IGSF3: variants seen among roughly 807,000 people sequenced by gnomAD.
IGSF3 encodes the protein immunoglobulin superfamily member 3.
IGSF3 carries 23 observed loss-of-function variants against 114.4 expected under a neutral mutation model. That is an observed-to-expected ratio of 0.20 (90% CI 0.14 to 0.28). IGSF3 has a LOEUF of 0.28. Ranked by LOEUF, IGSF3 falls within the 10% of genes least tolerant of loss-of-function variation. The pLI, the probability that IGSF3 is intolerant of heterozygous loss-of-function variation, is 1.00. For missense variants in IGSF3, 1,172 were observed against 1,591.5 expected (o/e 0.74, Z 4.48); for synonymous variants, 571 against 645.2 (o/e 0.88, Z 1.74).
chr1:116,613,132 T>C (rs1661087004), intron 4 of IGSF3, among the ~76,000 whole-genome samples: 1 of 152,336 alleles, frequency 6.6e-6, no homozygotes, highest in African/African-American at 2.4e-5. Context: ...TAAAGTAATC[T>C]GCATTCAGCA....
At position 116,593,914 on chromosome 1, in the gene IGSF3, T is replaced by C. The variant is rs1247562750; in HGVS notation, c.2030-4810A>G. Among the ~76,000 whole-genome samples the C allele has an allele frequency of 2.0e-5, 3 of 152,336 alleles. No homozygotes were observed. Among genetic ancestry groups the C allele is most frequent in the African/African-American group, 7.2e-5 (3 of 41,572 alleles). On this transcript the variant is annotated intron_variant, in intron 7 of 10. Coordinates refer to ENST00000369486, the MANE Select transcript of IGSF3 (RefSeq NM_001007237.3). This position sits in a 1 kb window ranked among gnomAD's most constrained non-coding sequence, Gnocchi z 4.5. ...TAAAATTGTATCTGGGACAACTCCA[T>C]GCAACAAAACTCTGCCTCGTGTCCT... is the stretch of plus-strand genomic sequence containing the variant.
In IGSF3 at chr1:116,616,461, C is replaced by T. The variant is rs528953361; in HGVS notation, c.44-4G>A. ...TGCCGCTGTGCTGACACCACACCTA[C>T]GAGGGAGAGAAACACACACAACATG... On this transcript the variant is annotated splice_region_variant and splice_polypyrimidine_tract_variant and intron_variant, in intron 2 of 10. Transcript: ENST00000369486. This position sits in a 1 kb window ranked among gnomAD's most constrained non-coding sequence, Gnocchi z 6.6. The T allele has an allele frequency of 1.6e-5, 25 of 1,583,270 alleles. No individual in the cohort carries two copies. Among genetic ancestry groups the T allele is most frequent in the South Asian group, 1.5e-4 (13 of 88,564 alleles).
chr1:116,620,055 T>C (rs1208534051), intron 2 of IGSF3, among the ~76,000 whole-genome samples: 2 of 152,198 alleles, frequency 1.3e-5, no homozygotes, highest in Non-Finnish European at 1.5e-5. Flanking sequence ...GTTTGCTATA[T>C]AAAATTCACT....
rs143770903 is a variant in IGSF3 at position 116,577,113 on chromosome 1, C to A, written c.*199G>T. The A allele has an allele frequency of 0.025, 14,896 of 587,030 alleles. 274 individuals are homozygous for A. Among genetic ancestry groups the A allele is most frequent in the Non-Finnish European group, 0.031 (10,465 of 332,940 alleles). 36.4% of individuals were successfully genotyped at this position (587,030 alleles called of 1,614,324 possible). The stretch of plus-strand genomic sequence containing the variant: ...TAATGGCAGGATCACAACATTTGCG[C>A]GCAAATAGCTAACCAACCAAGACTG... On this transcript the variant is annotated 3_prime_UTR_variant, in exon 11 of 11. Transcript: ENST00000369486. This position sits in a 1 kb window ranked among gnomAD's most constrained non-coding sequence, Gnocchi z 5.7.
chr1:116,635,644 G>T (rs1281648409), intron 2 of IGSF3, among the ~76,000 whole-genome samples: 1 of 152,206 alleles, frequency 6.6e-6, no homozygotes, highest in African/African-American at 2.4e-5. Flanking sequence ...TAAGCACAAA[G>T]AATGTCATCT....
rs955812168 is a variant in IGSF3, at chr1:116,628,065, G to A, written c.44-11608C>T. Reference sequence around the variant, plus strand: ...CCTCTTGGATGATAGCTGGATAATCGCAATAAGCAGAGCCCCAATAACTAG... The same window carrying A: ...CCTCTTGGATGATAGCTGGATAATCACAATAAGCAGAGCCCCAATAACTAG... On this transcript the variant is annotated intron_variant, in intron 2 of 10. Coordinates refer to ENST00000369486, the MANE Select transcript of IGSF3 (RefSeq NM_001007237.3). This position sits in a 1 kb window ranked among gnomAD's most constrained non-coding sequence, Gnocchi z 4.2. Among the ~76,000 whole-genome samples the A allele has an allele frequency of 4.6e-5, 7 of 152,180 alleles. No individual in the cohort carries two copies. Among genetic ancestry groups the A allele is most frequent in the Admixed American group, 1.3e-4 (2 of 15,288 alleles).
At position 116,589,775 on chromosome 1, in the gene IGSF3, C is replaced by G. The variant is rs1660019792; in HGVS notation, c.2030-671G>C. Among the ~76,000 whole-genome samples, 1 of 152,172 alleles carries G rather than the reference C, an allele frequency of 6.6e-6. No individual in the cohort carries two copies. Among genetic ancestry groups the G allele is most frequent in the African/African-American group, 2.4e-5 (1 of 41,430 alleles). ...TCCTAGATGGTGAGCTCCCCCAGGG[C>G]AGGGATCAAACTCCTTCCACTCAAT... On this transcript the variant is annotated intron_variant, in intron 7 of 10. Coordinates refer to ENST00000369486, the MANE Select transcript of IGSF3 (RefSeq NM_001007237.3). This position sits in a 1 kb window ranked among gnomAD's most constrained non-coding sequence, Gnocchi z 5.7.
chr1:116,622,615 G>A (rs568683055), intron 2 of IGSF3, among the ~76,000 whole-genome samples: 3 of 152,054 alleles, frequency 2.0e-5, no homozygotes, highest in South Asian at 4.2e-4. Flanking sequence ...TTTTAAATAA[G>A]CAAGTATATA....
rs1400677387 is a variant in IGSF3 at position 116,625,371 on chromosome 1, C to T, written c.44-8914G>A. 6.6e-6 allele frequency among the ~76,000 whole-genome samples: 1 copy of T among 152,218 alleles called. No homozygotes were observed. Among genetic ancestry groups the T allele is most frequent in the East Asian group, 1.9e-4 (1 of 5,198 alleles). ...GTGACATCTGAATTGGGTCCCAAAG[C>T]ACAAGGGAAATATATACCACGTGAA... On this transcript the variant is annotated intron_variant, in intron 2 of 10. Coordinates refer to ENST00000369486, the MANE Select transcript of IGSF3 (RefSeq NM_001007237.3). This position sits in a 1 kb window ranked among gnomAD's most constrained non-coding sequence, Gnocchi z 4.7.
intron 8 of IGSF3, among the ~76,000 whole-genome samples, chr1:116,587,603 A>G (rs1329118989): frequency 6.6e-6 from 1 of 152,232 alleles, no homozygotes; most frequent in Non-Finnish European, 1.5e-5. Flanking sequence ...TGTCCTCAAC[A>G]TGCTTACAGA....
In IGSF3 at chr1:116,577,589, A is replaced by C. The variant is rs766639503; in HGVS notation, c.3335-27T>G. The C allele has an allele frequency of 6.2e-7, 1 of 1,610,626 alleles. No homozygotes were observed. The highest frequency in any genetic ancestry group is 2.2e-5 in the East Asian group (1 of 44,858). ...TGAAAAGAATCATGAGAGAGACAAG[A>C]CAATGAGGGCTGAGAACCTGGACTG... On this transcript the variant is annotated intron_variant, in intron 10 of 10. Coordinates refer to ENST00000369486, the MANE Select transcript of IGSF3 (RefSeq NM_001007237.3). This position sits in a 1 kb window ranked among gnomAD's most constrained non-coding sequence, Gnocchi z 5.7.
In IGSF3 at chr1:116,600,787, C is replaced by A. The variant is rs1660546384; in HGVS notation, c.1625-442G>T. 1.3e-5 allele frequency among the ~76,000 whole-genome samples: 2 copies of A among 152,194 alleles called. No individual in the cohort carries two copies. The highest frequency in any genetic ancestry group is 2.9e-5 in the Non-Finnish European group (2 of 68,040). On this transcript the variant is annotated intron_variant, in intron 6 of 10. Coordinates refer to ENST00000369486, the MANE Select transcript of IGSF3 (RefSeq NM_001007237.3). This position sits in a 1 kb window ranked among gnomAD's most constrained non-coding sequence, Gnocchi z 5.5. ...CAGCCCCAACACCACTTTTCCTGGT[C>A]CCTTAGCGCACTGGTGCCGAGAAGG... is the stretch of plus-strand genomic sequence containing the variant.
chr1:116,637,830 G>A (rs1376107063), intron 2 of IGSF3, among the ~76,000 whole-genome samples: 5 of 152,128 alleles, frequency 3.3e-5, no homozygotes, highest in African/African-American at 9.7e-5. Context: ...GATGACTTTC[G>A]ATGATTCAGA....
At chr1:116,580,239 G>A (rs1389024037) in intron 9 of IGSF3, among the ~76,000 whole-genome samples, 1 of 152,200 alleles carries the variant, frequency 6.6e-6, no homozygotes, top group Non-Finnish European at 1.5e-5. Context: ...CCTTGTAGTG[G>A]CTGAATAGTG....
Position 116,657,772 on chromosome 1 carries a change from C to T in IGSF3, c.43+8512G>A, listed in dbSNP as rs1002959814. ...TCAGAGTTGCTATCAAAAAGGAGGC[C>T]GCAGACTGCATTCTGAAGCATCAGA... On this transcript the variant is annotated intron_variant, in intron 2 of 10. Transcript: ENST00000369486. The surrounding 1 kb of genome is among the most constrained non-coding windows in gnomAD (Gnocchi z 4.2). 2.6e-5 allele frequency among the ~76,000 whole-genome samples: 4 copies of T among 151,778 alleles called. No homozygotes were observed. The highest frequency in any genetic ancestry group is 2.0e-4 in the Admixed American group (3 of 15,242).
rs1660658795 is a variant in IGSF3, at chr1:116,603,049, G to C, written c.1624+575C>G. Among the ~76,000 whole-genome samples, 1 of 152,232 alleles carries C rather than the reference G, an allele frequency of 6.6e-6. No individual in the cohort carries two copies. ...TCAGTTTCCTCCATAAAATGAAAGTGTCTGTCACTTGGCTAGGTGGGGATT... is the reference window on the plus strand; with the variant it reads ...TCAGTTTCCTCCATAAAATGAAAGTCTCTGTCACTTGGCTAGGTGGGGATT... On this transcript the variant is annotated intron_variant, in intron 6 of 10. Coordinates refer to ENST00000369486, the MANE Select transcript of IGSF3 (RefSeq NM_001007237.3). The surrounding 1 kb of genome is among the most constrained non-coding windows in gnomAD (Gnocchi z 7.1).
At chr1:116,626,923 T>C (rs1451480108) in intron 2 of IGSF3, among the ~76,000 whole-genome samples, 1 of 152,144 alleles carries the variant, frequency 6.6e-6, no homozygotes, top group African/African-American at 2.4e-5. Flanking sequence ...GAATAGACAC[T>C]TTTTTCAGCC....
In IGSF3 at chr1:116,647,155, G is replaced by A. The variant is rs908723650; in HGVS notation, c.43+19129C>T. Among the ~76,000 whole-genome samples the A allele has an allele frequency of 6.6e-6, 1 of 152,236 alleles. No homozygotes were observed. The highest frequency in any genetic ancestry group is 2.4e-5 in the African/African-American group (1 of 41,454). On this transcript the variant is annotated intron_variant, in intron 2 of 10. Transcript: ENST00000369486. The surrounding 1 kb of genome is among the most constrained non-coding windows in gnomAD (Gnocchi z 4.6). Reference sequence around the variant, plus strand: ...GGTGACAAAAAAGATGAGGCTGAAGGTCAGGAGAGACCCAGGCAGCGATGC... The same window carrying A: ...GGTGACAAAAAAGATGAGGCTGAAGATCAGGAGAGACCCAGGCAGCGATGC...
rs147792935 is a variant in IGSF3 at position 116,603,929 on chromosome 1, G to A, written c.1319C>T (p.Pro440Leu). The A allele has an allele frequency of 1.4e-5, 23 of 1,613,852 alleles. No homozygotes were observed. Among genetic ancestry groups the A allele is most frequent in the East Asian group, 8.9e-5 (4 of 44,896 alleles). The change falls in exon 6 of 11, where the codon CCG (proline) becomes CTG (leucine). Residue 440 changes from proline to leucine, a missense_variant. This residue lies in a region of IGSF3 where 736 missense variants were observed against 1,042.0 expected (regional missense o/e 0.71). Transcript: ENST00000369486. The surrounding 1 kb of genome is among the most constrained non-coding windows in gnomAD (Gnocchi z 7.1). ...FSCSVRTAGR[P>L]QGRFSVIWQL... ...CCAGATGACAGAGAAGCGACCCTGC[G>A]GCCTGCCTGCCGTGCGGACACTGCA...
Sources: gnomAD v4.1 joint callset for allele counts (sites outside exome capture counted in the v4.1 genomes callset) on GRCh38, gnomAD v4.1.1 for gene constraint, gnomAD v4.1.1 regional missense constraint, Gnocchi (gnomAD v3.1) non-coding constraint, MANE v1.5 for transcripts, NCBI Gene and HGNC (gene_info 2026-07-23, HGNC 2026-07-21) for gene names.